LRIF1: variants seen among roughly 807,000 people sequenced by gnomAD.
The protein encoded by LRIF1 is ligand dependent nuclear receptor interacting factor 1.
In LRIF1, 32 loss-of-function variants were observed where a neutral mutation model predicts 52.7. The observed-to-expected ratio is 0.61, with a 90% CI of 0.46 to 0.82. LRIF1 has a LOEUF of 0.82. Among genes scored for constraint, LRIF1 ranks in the 40% least tolerant of loss-of-function variants. The probability of loss-of-function intolerance (pLI) is 0.00; values close to 1 mark genes in which losing one functional copy is unlikely to be tolerated. For missense variants in LRIF1, 887 were observed against 892.0 expected, an observed-to-expected ratio of 0.99 and a Z score of 0.07; for synonymous variants, 323 against 317.4, an observed-to-expected ratio of 1.02 and a Z score of -0.19.
At chr1:110,898,893 C>A in the LRIF1 span, among the ~76,000 whole-genome samples, 2 of 152,158 alleles carry the variant, frequency 1.3e-5, no homozygotes, top group Non-Finnish European at 2.9e-5. Context: ...GAAGATAAAA[C>A]ATGCTCCAGT....
At chr1:110,896,606 C>T in the LRIF1 span, 2 of 1,563,182 alleles carry the variant, frequency 1.3e-6, no homozygotes, top group South Asian at 1.1e-5. Flanking sequence ...AGCTTTTTTT[C>T]ACTGTTGACT....
At chr1:110,959,900 T>C (rs1467268789) in intron 1 of LRIF1, among the ~76,000 whole-genome samples, 3 of 152,098 alleles carry the variant, frequency 2.0e-5, no homozygotes, top group African/African-American at 7.2e-5. Flanking sequence ...CTGATGAACA[T>C]TTTATAGATA....
At chr1:110,887,105 C>T in the LRIF1 span, among the ~76,000 whole-genome samples, 2 of 136,060 alleles carry the variant, frequency 1.5e-5, no homozygotes, top group African/African-American at 5.5e-5. Context: ...GCTCTGTCAC[C>T]CAGGCTGTAG....
downstream of LRIF1, chr1:110,943,761 T>C (rs1379462144): frequency 6.6e-6 from 1 of 152,214 alleles, no homozygotes; most frequent in Non-Finnish European, 1.5e-5. Flanking sequence ...AAGTTTGCTG[T>C]TTCCCCTGCT....
the LRIF1 span, among the ~76,000 whole-genome samples, chr1:110,903,767 T>G: frequency 6.6e-6 from 1 of 152,190 alleles, no homozygotes; most frequent in East Asian, 1.9e-4. Context: ...AAGGAGACTT[T>G]GTCTTGCACC....
the LRIF1 span, among the ~76,000 whole-genome samples, chr1:110,883,703 A>G: frequency 6.6e-6 from 1 of 151,828 alleles, no homozygotes; most frequent in African/African-American, 2.4e-5. Flanking sequence ...AGACTTTTAA[A>G]CTCCAAATTC....
the LRIF1 span, among the ~76,000 whole-genome samples, chr1:110,892,057 A>G: frequency 6.6e-6 from 1 of 152,346 alleles, no homozygotes; most frequent in African/African-American, 2.4e-5. Context: ...AAGATAAGGA[A>G]AAAGAAGTTA....
At chr1:110,887,360 A>G in the LRIF1 span, among the ~76,000 whole-genome samples, 4 of 152,110 alleles carry the variant, frequency 2.6e-5, no homozygotes, top group Admixed American at 6.5e-5. Flanking sequence ...CACCGCGCCC[A>G]GCCTATTTTT....
chr1:110,937,956 C>T, the LRIF1 span: 43 of 152,044 alleles, frequency 2.8e-4, no homozygotes, highest in African/African-American at 1.0e-3. Flanking sequence ...AATTAGAAAA[C>T]CTGAGAACAT....
At chr1:110,877,485 C>T in the LRIF1 span, among the ~76,000 whole-genome samples, 1 of 152,142 alleles carries the variant, frequency 6.6e-6, no homozygotes, top group East Asian at 1.9e-4. Context: ...GGTAACTGTT[C>T]CTGATTTACG....
At chr1:110,936,859 A>T in the LRIF1 span, 2 of 152,248 alleles carry the variant, frequency 1.3e-5, no homozygotes, top group Admixed American at 1.3e-4. Context: ...AACTATAAAG[A>T]CACATATAGA....
chr1:110,909,573 C>CT, the LRIF1 span, among the ~76,000 whole-genome samples: 5,096 of 77,912 alleles, frequency 0.065, 251 homozygotes, highest in South Asian at 0.17. Context: ...GCAGGGGTAG[C>CT]TTTTTTTTTT....
the LRIF1 span, among the ~76,000 whole-genome samples, chr1:110,918,644 A>G: frequency 3.9e-5 from 6 of 152,208 alleles, no homozygotes; most frequent in Non-Finnish European, 8.8e-5. Context: ...AGACAGTGAG[A>G]AAACTCCAAG....
the LRIF1 span, among the ~76,000 whole-genome samples, chr1:110,895,840 CT>C: frequency 2.0e-5 from 3 of 152,116 alleles, no homozygotes; most frequent in Non-Finnish European, 2.9e-5. Context: ...ATTCCCCACA[CT>C]TTTTTCGTTA....
At chr1:110,923,539 T>G in the LRIF1 span, among the ~76,000 whole-genome samples, 3 of 152,096 alleles carry the variant, frequency 2.0e-5, no homozygotes, top group African/African-American at 7.2e-5. Flanking sequence ...GATGCAATTT[T>G]GGTAGAAATC....
chr1:110,946,329 A>G (rs1407867463), downstream of LRIF1, among the ~76,000 whole-genome samples: 1 of 152,208 alleles, frequency 6.6e-6, no homozygotes, highest in Non-Finnish European at 1.5e-5. Context: ...CCTATGGCAT[A>G]AGGAGAGGTG....
chr1:110,894,903 T>G, the LRIF1 span: 1 of 1,334,838 alleles, frequency 7.5e-7, no homozygotes, highest in African/African-American at 1.4e-5. Flanking sequence ...AAATTCCTTA[T>G]TCCTTGAACT....
chr1:110,959,177 A>G (rs1658844080), intron 1 of LRIF1, among the ~76,000 whole-genome samples: 1 of 152,304 alleles, frequency 6.6e-6, no homozygotes, highest in South Asian at 2.1e-4. Context: ...AAACTGAGAA[A>G]CTACATTTGA....
At position 110,963,716 on chromosome 1, in the gene LRIF1, T is replaced by G. The variant is rs1386619846; in HGVS notation, c.-28A>C. 6.4e-7 allele frequency: 1 copy of G among 1,571,500 alleles called. No individual in the cohort carries two copies. On this transcript the variant is annotated 5_prime_UTR_variant, in exon 1 of 4. An upstream start codon of the reference 5' UTR is lost. Coordinates refer to ENST00000369763, the MANE Select transcript of LRIF1 (RefSeq NM_018372.4). ...TAGTGGGGAGAAAGGGGACACCTCA[T>G]CCAGAAAAGTGGGAAGCGTGGGGCC...
Sources: allele counts gnomAD v4.1 joint callset (sites outside exome capture counted in the v4.1 genomes callset), GRCh38; gene constraint gnomAD v4.1.1; transcripts MANE v1.5; gene names NCBI Gene and HGNC (gene_info 2026-07-23, HGNC 2026-07-21).